The following TENM1 variants were observed in gnomAD, a reference collection of about 807,000 sequenced individuals.
The protein encoded by TENM1 is teneurin transmembrane protein 1.
Under a neutral mutation model 174.8 loss-of-function variants are expected in TENM1, and 35 were observed. The ratio of observed to expected loss-of-function variants is 0.20; its 90% CI spans 0.15 to 0.27. The LOEUF (loss-of-function observed/expected upper bound fraction) is 0.27, where lower values mean the gene tolerates loss of function less well. Among genes scored for constraint, TENM1 ranks in the 10% least tolerant of loss-of-function variants. TENM1 has a pLI of 1.00. For synonymous variants in TENM1, 781 were observed against 798.7 expected (o/e 0.98, Z 0.37); for missense variants, 1,633 against 2,130.1 (o/e 0.77, Z 4.59).
chrX:124,848,821 C>T lies in TENM1; in HGVS notation c.535+45475G>A, dbSNP rs142550854. Among the ~76,000 whole-genome samples, 65 of 111,219 alleles carry T rather than the reference C, an allele frequency of 5.8e-4. 1 individual carries two copies. The East Asian group carries it at 0.016, about 27-fold the overall frequency. ...AAAAAGAATAAAGCAAGTTACAGAA[C>T]GCACATATAACATGATCTCATTTAT... On this transcript the variant is annotated intron_variant, in intron 3 of 31. Transcript: ENST00000422452.
At chrX:124,479,585 C>T (rs531646889) in intron 22 of TENM1, among the ~76,000 whole-genome samples, 2 of 110,986 alleles carry the variant, frequency 1.8e-5, no homozygotes, top group Non-Finnish European at 3.8e-5. Flanking sequence ...ATTACTGCTG[C>T]TTTCCAAGAA....
chrX:125,200,470 C>T, the TENM1 span, among the ~76,000 whole-genome samples: 1 of 111,080 alleles, frequency 9.0e-6, no homozygotes, highest in Non-Finnish European at 1.9e-5. Context: ...CCAGTTTAAA[C>T]CTTTCTTCTA....
At chrX:124,732,880 A>T (rs775513392) in intron 4 of TENM1, among the ~76,000 whole-genome samples, 47 of 112,417 alleles carry the variant, frequency 4.2e-4, no homozygotes, top group South Asian at 1.1e-3. Flanking sequence ...AGAGATCCAC[A>T]GTCTTTGCCT....
chrX:124,478,406 C>T (rs762976883), intron 22 of TENM1, among the ~76,000 whole-genome samples: 1 of 112,787 alleles, frequency 8.9e-6, no homozygotes, highest in South Asian at 3.7e-4. Flanking sequence ...TGACCTGTTA[C>T]CTTTCGCTGA....
the TENM1 span, among the ~76,000 whole-genome samples, chrX:125,116,357 C>T: frequency 3.6e-5 from 4 of 111,864 alleles, no homozygotes; most frequent in African/African-American, 1.3e-4. Flanking sequence ...ACACCAAAAG[C>T]AATGGCAACA....
At chrX:125,002,362 G>A in the TENM1 span, among the ~76,000 whole-genome samples, 6 of 111,168 alleles carry the variant, frequency 5.4e-5, no homozygotes, top group East Asian at 1.1e-3. Context: ...GTCCAAACTC[G>A]GTAAATTTCT....
rs193120675 is a variant in TENM1, at chrX:124,789,610, C to T, written c.536-52413G>A. Among the ~76,000 whole-genome samples the T allele has an allele frequency of 2.7e-5, 3 of 111,442 alleles. No homozygotes were observed. The Admixed American group carries it at 2.9e-4, about 11-fold the overall frequency. On this transcript the variant is annotated intron_variant, in intron 3 of 31. Coordinates refer to ENST00000422452, the Ensembl canonical transcript of TENM1. ...GTTCCACAGATCTCTAGGGCAGGGG[C>T]AAAATGCTGCCAGTCTCTTTGCTAA... is the stretch of plus-strand genomic sequence containing the variant.
the TENM1 span, among the ~76,000 whole-genome samples, chrX:124,988,038 T>G: frequency 9.0e-6 from 1 of 111,386 alleles, no homozygotes; most frequent in African/African-American, 3.3e-5. Flanking sequence ...GTAAATAAAA[T>G]AAAAGTAGTT....
At chrX:124,535,683 C>CT (rs1318278254) in intron 15 of TENM1, among the ~76,000 whole-genome samples, 1 of 112,177 alleles carries the variant, frequency 8.9e-6, no homozygotes, top group Non-Finnish European at 1.9e-5. Flanking sequence ...ATCTGTCTGT[C>CT]TTTTTATTAG....
intron 23 of TENM1, among the ~76,000 whole-genome samples, chrX:124,441,561 T>TATAATTATAATATAATTATAATATAA (rs2060902692): frequency 1.8e-5 from 2 of 111,969 alleles, no homozygotes; most frequent in Non-Finnish European, 3.8e-5. Context: ...ATATAAGCCT[T>TATAATTATAATATAATTATAATATAA]TGGATCAGCG....
At chrX:124,507,532 T>C (rs1045813540) in intron 18 of TENM1, among the ~76,000 whole-genome samples, 7 of 111,860 alleles carry the variant, frequency 6.3e-5, no homozygotes, top group African/African-American at 2.3e-4. Flanking sequence ...CACTGGCTTG[T>C]AAAGAAGACT....
chrX:124,457,867 A>T (rs2061127332), intron 22 of TENM1, among the ~76,000 whole-genome samples: 1 of 112,259 alleles, frequency 8.9e-6, no homozygotes, highest in African/African-American at 3.2e-5. Context: ...TTATTTCTAT[A>T]TAAAAAATGA....
the TENM1 span, among the ~76,000 whole-genome samples, chrX:125,161,039 T>TAAAAAAAAAA: frequency 5.6e-5 from 3 of 53,430 alleles, no homozygotes; most frequent in Non-Finnish European, 1.0e-4. Context: ...GGCCAAAAAG[T>TAAAAAAAAAA]AAAAAAAAAA....
At chrX:124,802,355 G>A (rs761040275) in intron 3 of TENM1, among the ~76,000 whole-genome samples, 2 of 111,484 alleles carry the variant, frequency 1.8e-5, no homozygotes, top group African/African-American at 6.5e-5. Flanking sequence ...TCAATGGTCA[G>A]GTCCCTCTTC....
chrX:124,596,628 G>A (rs974776845), intron 11 of TENM1, among the ~76,000 whole-genome samples: 6 of 111,741 alleles, frequency 5.4e-5, no homozygotes, highest in Non-Finnish European at 9.4e-5. Context: ...ATGGGCAAAC[G>A]TATGTGGCGA....
rs187696915 is a variant in TENM1, at chrX:124,469,842, A to G, written c.3949+11890T>C. 4.3e-3 allele frequency among the ~76,000 whole-genome samples: 484 copies of G among 111,885 alleles called. 2 individuals carry two copies. The highest frequency in any genetic ancestry group is 0.015 in the African/African-American group (449 of 30,852). ...AGCTCAGTAGAAAAACTGGAAGGGG[A>G]TATGAAAGTGAATTTACCAAAAAAG... On this transcript the variant is annotated intron_variant, in intron 22 of 31. Coordinates refer to ENST00000422452, the Ensembl canonical transcript of TENM1.
intron 3 of TENM1, among the ~76,000 whole-genome samples, chrX:124,886,786 G>A (rs751359582): frequency 1.2e-5 from 1 of 83,578 alleles, no homozygotes; most frequent in African/African-American, 4.5e-5. Context: ...GAACTAATAA[G>A]AAAATATAAA....
chrX:125,066,033 C>G, the TENM1 span, among the ~76,000 whole-genome samples: 705 of 112,185 alleles, frequency 6.3e-3, 3 homozygotes, highest in African/African-American at 0.021. Flanking sequence ...AGCTGAATGA[C>G]AGGAAGATGT....
At chrX:124,616,892 T>C (rs1005884547) in intron 11 of TENM1, among the ~76,000 whole-genome samples, 1 of 111,715 alleles carries the variant, frequency 9.0e-6, no homozygotes, top group African/African-American at 3.3e-5. Context: ...CTGCCCAAGA[T>C]GTGCCTATCT....
Sources: allele counts gnomAD v4.1 joint callset (sites outside exome capture counted in the v4.1 genomes callset), GRCh38; gene constraint gnomAD v4.1.1; transcripts MANE v1.5; gene names NCBI Gene and HGNC (gene_info 2026-07-23, HGNC 2026-07-21).